Variants in ABHD13 observed in about 807,000 individuals in gnomAD.
ABHD13 encodes the protein protein ABHD13.
Under a neutral mutation model 25.2 loss-of-function variants are expected in ABHD13, and 7 were observed. That is an observed-to-expected ratio of 0.28 (90% CI 0.16 to 0.52). ABHD13 has a LOEUF of 0.52. Ranked by LOEUF, ABHD13 falls within the 20% of genes least tolerant of loss-of-function variation. The pLI is 0.96. For missense variants in ABHD13, 302 were observed against 402.7 expected (o/e 0.75, Z 2.14); for synonymous variants, 133 against 136.1 (o/e 0.98, Z 0.16).
In ABHD13 at chr13:108,233,871, TG is replaced by T. The variant is rs1879864594; in HGVS notation, c.*3640del. The T allele has an allele frequency of 1.8e-5, 3 of 166,818 alleles. No homozygotes were observed. The Admixed American group carries it at 2.0e-4, about 11-fold the overall frequency. 10.3% of individuals were successfully genotyped at this position (166,818 alleles called of 1,614,324 possible). On this transcript the variant is annotated 3_prime_UTR_variant, in exon 2 of 2. Coordinates refer to ENST00000375898, the MANE Select transcript of ABHD13 (RefSeq NM_032859.3). ...AAAATGTAGTTTAAAAATAGGACCA[TG>T]TATGAGACACTTTTTTACAAAAAGT...
intron 1 of ABHD13, among the ~76,000 whole-genome samples, chr13:108,221,329 C>T (rs1030915842): frequency 1.3e-5 from 2 of 152,206 alleles, no homozygotes; most frequent in African/African-American, 4.8e-5. Context: ...TCCATTTCAG[C>T]TGTGCAGCTG....
In ABHD13 at chr13:108,230,402, T is replaced by G. The variant is rs1879776975; in HGVS notation, c.*170T>G. Reference sequence around the variant, plus strand: ...AAATAGTTTTTTACATTGGAAAAACTAATTCTTGGGATTCTTTCATACATT... The same window carrying G: ...AAATAGTTTTTTACATTGGAAAAACGAATTCTTGGGATTCTTTCATACATT... On this transcript the variant is annotated 3_prime_UTR_variant, in exon 2 of 2. Coordinates refer to ENST00000375898, the MANE Select transcript of ABHD13 (RefSeq NM_032859.3). 2 of 568,320 alleles carry G rather than the reference T, an allele frequency of 3.5e-6. No homozygotes were observed. Among genetic ancestry groups the G allele is most frequent in the South Asian group, 5.3e-5 (2 of 37,512 alleles). The allele number at this position is 568,320 out of a possible 1,614,324, so 35.2% of individuals were successfully genotyped here.
In ABHD13 at chr13:108,229,119, TACC is replaced by T; in HGVS notation, c.-20-78_-20-76del. The T allele has an allele frequency of 9.1e-7, 1 of 1,103,720 alleles. No homozygotes were observed. Among genetic ancestry groups the T allele is most frequent in the Non-Finnish European group, 1.3e-6 (1 of 776,720 alleles). The allele number at this position is 1,103,720 out of a possible 1,614,324, so 68.4% of individuals were successfully genotyped here. A position where few individuals can be genotyped will look rare whatever the true frequency, so the allele number is the denominator to read the frequency against. ...TATTTAACAATTACATGTGGCCTAG[TACC>T]ATAGTTTATTATATTGTGGATTTTT... is the stretch of plus-strand genomic sequence containing the variant. On this transcript the variant is annotated intron_variant, in intron 1 of 1. Coordinates refer to ENST00000375898, the MANE Select transcript of ABHD13 (RefSeq NM_032859.3). The surrounding 1 kb of genome is among the most constrained non-coding windows in gnomAD (Gnocchi z 4.7).
chr13:108,218,889 C>A (rs1014269843), intron 1 of ABHD13, among the ~76,000 whole-genome samples: 1 of 152,072 alleles, frequency 6.6e-6, no homozygotes, highest in Non-Finnish European at 1.5e-5. Flanking sequence ...CGCCCCGACT[C>A]CGCTCACCAC....
chr13:108,223,211 A>G (rs2139009859), intron 1 of ABHD13, among the ~76,000 whole-genome samples: 1 of 152,308 alleles, frequency 6.6e-6, no homozygotes, highest in East Asian at 1.9e-4. Context: ...ATATTAATAG[A>G]TTACCACAGT....
rs990534649 is a variant in ABHD13 at position 108,233,568 on chromosome 13, C to T, written c.*3336C>T. On this transcript the variant is annotated 3_prime_UTR_variant, in exon 2 of 2. Transcript: ENST00000375898. ...CTGTGAGAGGAAAAATTAGTCATAA[C>T]CCTTTTGGGTTATCCACTTAAATTT... 2 of 166,492 alleles carry T rather than the reference C, an allele frequency of 1.2e-5. No homozygotes were observed. The highest frequency in any genetic ancestry group is 2.4e-5 in the African/African-American group (1 of 41,338). The allele number at this position is 166,492 out of a possible 1,614,324, so 10.3% of individuals were successfully genotyped here.
intron 1 of ABHD13, among the ~76,000 whole-genome samples, chr13:108,222,146 A>G (rs1422634794): frequency 6.6e-6 from 1 of 152,140 alleles, no homozygotes; most frequent in Non-Finnish European, 1.5e-5. Context: ...GGCCCAATGT[A>G]CACTTTTTAA....
In ABHD13 at chr13:108,233,563, C is replaced by T. The variant is rs1879855375; in HGVS notation, c.*3331C>T. On this transcript the variant is annotated 3_prime_UTR_variant, in exon 2 of 2. Coordinates refer to ENST00000375898, the MANE Select transcript of ABHD13 (RefSeq NM_032859.3). Reference sequence around the variant, plus strand: ...AAAAACTGTGAGAGGAAAAATTAGTCATAACCCTTTTGGGTTATCCACTTA... The same window carrying T: ...AAAAACTGTGAGAGGAAAAATTAGTTATAACCCTTTTGGGTTATCCACTTA... The T allele has an allele frequency of 1.2e-5, 2 of 166,618 alleles. No individual in the cohort carries two copies. The highest frequency in any genetic ancestry group is 2.9e-5 in the Non-Finnish European group (2 of 67,924). The allele number at this position is 166,618 out of a possible 1,614,324, so 10.3% of individuals were successfully genotyped here.
chr13:108,222,554 C>T (rs1002528468), intron 1 of ABHD13, among the ~76,000 whole-genome samples: 6 of 151,810 alleles, frequency 4.0e-5, no homozygotes, highest in Non-Finnish European at 5.9e-5. Context: ...GGTCTCAGAC[C>T]GTTTACATTT....
At position 108,229,728 on chromosome 13, in the gene ABHD13, A is replaced by G. The variant is rs1879754504; in HGVS notation, c.510A>G (p.Glu170=). Residue 170 remains glutamate (E), a synonymous_variant, in exon 2 of 2, where the codon GAA becomes GAG. Transcript: ENST00000375898. This position sits in a 1 kb window ranked among gnomAD's most constrained non-coding sequence, Gnocchi z 4.7. ...AAGAAGGACTCTACTTAGATTCTGA[A>G]GCTGTGTTAGACTACGTGATGACTA... ...ASEEGLYLDS[E]AVLDYVMTRP... The G allele has an allele frequency of 1.2e-6, 2 of 1,613,250 alleles. No individual in the cohort carries two copies. Among genetic ancestry groups the G allele is most frequent in the Admixed American group, 1.7e-5 (1 of 59,904 alleles).
chr13:108,224,325 T>C lies in ABHD13; in HGVS notation c.-20-4874T>C, dbSNP rs147118098. ...GGACTGTATAGTATACTAGGATGCATTGGAATCTGATGACCATCTCTTACG... is the reference window on the plus strand; with the variant it reads ...GGACTGTATAGTATACTAGGATGCACTGGAATCTGATGACCATCTCTTACG... On this transcript the variant is annotated intron_variant, in intron 1 of 1. Coordinates refer to ENST00000375898, the MANE Select transcript of ABHD13 (RefSeq NM_032859.3). Among the ~76,000 whole-genome samples, 654 of 152,280 alleles carry C rather than the reference T, an allele frequency of 4.3e-3. 2 individuals carry two copies. The highest frequency in any genetic ancestry group is 7.0e-3 in the Non-Finnish European group (475 of 68,014).
intron 1 of ABHD13, among the ~76,000 whole-genome samples, chr13:108,226,889 G>T (rs1008743211): frequency 1.3e-5 from 2 of 152,050 alleles, no homozygotes; most frequent in East Asian, 3.8e-4. Context: ...AGCAAGTGGG[G>T]TTAGGTAAAA....
At chr13:108,220,720 C>A (rs561482204) in intron 1 of ABHD13, among the ~76,000 whole-genome samples, 1 of 152,170 alleles carries the variant, frequency 6.6e-6, no homozygotes, top group Non-Finnish European at 1.5e-5. Flanking sequence ...GGACTACATG[C>A]ATTTATGAGC....
chr13:108,227,944 A>G (rs529934310), intron 1 of ABHD13, among the ~76,000 whole-genome samples: 30 of 152,156 alleles, frequency 2.0e-4, no homozygotes, highest in Non-Finnish European at 4.1e-4. Flanking sequence ...GTAAAAGTCT[A>G]TGTTTAGTGA....
In ABHD13 at chr13:108,218,569, G is replaced by A. The variant is rs1420982752; in HGVS notation, c.-111G>A. The A allele has an allele frequency of 6.6e-6, 1 of 152,094 alleles. No individual in the cohort carries two copies. Among genetic ancestry groups the A allele is most frequent in the Non-Finnish European group, 1.5e-5 (1 of 68,036 alleles). 9.4% of individuals were successfully genotyped at this position (152,094 alleles called of 1,614,324 possible). A position where few individuals can be genotyped will look rare whatever the true frequency, so the allele number is the denominator to read the frequency against. On this transcript the variant is annotated 5_prime_UTR_variant, in exon 1 of 2. An upstream start codon of the reference 5' UTR is lost. Transcript: ENST00000375898. ...GGCCCCTGGGCTGGAGGAGGATGAT[G>A]AGGAGCGACGGAAGCGACGCGGGGG... is the stretch of plus-strand genomic sequence containing the variant.
intron 1 of ABHD13, among the ~76,000 whole-genome samples, chr13:108,228,785 T>A (rs1014481367): frequency 3.3e-5 from 5 of 151,778 alleles, no homozygotes; most frequent in African/African-American, 1.2e-4. Flanking sequence ...ATCTCTAGAA[T>A]CATGCTTGTT....
intron 1 of ABHD13, among the ~76,000 whole-genome samples, chr13:108,225,701 T>C (rs1015226950): frequency 6.6e-6 from 1 of 152,108 alleles, no homozygotes. Flanking sequence ...TCTGATAACA[T>C]AGCAAACAGA....
chr13:108,220,845 T>A (rs901511595), intron 1 of ABHD13, among the ~76,000 whole-genome samples: 6 of 152,244 alleles, frequency 3.9e-5, no homozygotes, highest in Non-Finnish European at 8.8e-5. Flanking sequence ...TTCATCCATC[T>A]AGTTTATAGG....
chr13:108,219,493 C>T (rs1338361359), intron 1 of ABHD13, among the ~76,000 whole-genome samples: 1 of 152,142 alleles, frequency 6.6e-6, no homozygotes, highest in East Asian at 1.9e-4. Context: ...TATTTGTATG[C>T]ATGCTTAGGG....
Sources: allele counts gnomAD v4.1 joint callset (sites outside exome capture counted in the v4.1 genomes callset), GRCh38; gene constraint gnomAD v4.1.1; non-coding constraint Gnocchi (gnomAD v3.1); transcripts MANE v1.5; gene names NCBI Gene and HGNC (gene_info 2026-07-23, HGNC 2026-07-21).